Variants in TNS3 observed in about 807,000 individuals in gnomAD.
TNS3 encodes the protein tensin 3.
A neutral mutation model predicts 140.9 loss-of-function variants in TNS3; 45 were observed. The ratio of observed to expected loss-of-function variants is 0.32; its 90% CI spans 0.25 to 0.41. The LOEUF (loss-of-function observed/expected upper bound fraction) is 0.41. Among genes scored for constraint, TNS3 ranks in the 10% least tolerant of loss-of-function variants. The pLI is 1.00. For synonymous variants in TNS3, 815 were observed against 788.4 expected (o/e 1.03, Z -0.56); for missense variants, 1,716 against 1,906.7 (o/e 0.90, Z 1.86).
chr7:47,416,075 T>C (rs114499068), intron 10 of TNS3, among the ~76,000 whole-genome samples: 2,185 of 152,326 alleles, frequency 0.014, 55 homozygotes, highest in African/African-American at 0.05. Context: ...TTCACCCACA[T>C]AACCTCCACT....
rs1207243597 is a variant in TNS3, at chr7:47,389,129, G to T, written c.1024+7671C>A. ...GGAAGCAGAAGAAGAAGAAGAAGAA[G>T]AAGAAGAAGAAGAAGAAGAAGAAGA... On this transcript the variant is annotated intron_variant, in intron 16 of 30. Transcript: ENST00000311160. 1.5e-4 allele frequency among the ~76,000 whole-genome samples: 5 copies of T among 33,602 alleles called. 2 individuals carry two copies. The highest frequency in any genetic ancestry group is 1.8e-4 in the African/African-American group (3 of 17,018). The allele number at this position is 33,602 out of a possible 152,430, so 22.0% of individuals were successfully genotyped here.
Position 47,296,785 on chromosome 7 carries a change from G to C in TNS3, c.3676+297C>G, listed in dbSNP as rs557515817. Among the ~76,000 whole-genome samples, 175 of 149,482 alleles carry C rather than the reference G, an allele frequency of 1.2e-3. 1 individual carries two copies. The highest frequency in any genetic ancestry group is 3.8e-3 in the African/African-American group (158 of 41,382). The stretch of plus-strand genomic sequence containing the variant: ...CCCAAGGGAGGTGACAGGGTGGTGA[G>C]GGGGGTAGAGCCGAAATGGAAGCAA... On this transcript the variant is annotated intron_variant, in intron 24 of 30. Coordinates refer to ENST00000311160, the MANE Select transcript of TNS3 (RefSeq NM_022748.12).
chr7:47,458,772 G>A (rs933918500), intron 4 of TNS3, among the ~76,000 whole-genome samples: 1 of 152,232 alleles, frequency 6.6e-6, no homozygotes, highest in Non-Finnish European at 1.5e-5. Context: ...TGTGGCTGAA[G>A]AGCAGGGCCT....
At chr7:47,304,340 A>G (rs1786615031) in intron 21 of TNS3, among the ~76,000 whole-genome samples, 1 of 152,218 alleles carries the variant, frequency 6.6e-6, no homozygotes, top group Non-Finnish European at 1.5e-5. Flanking sequence ...TAATGTCCTT[A>G]AATGAGGGCT....
chr7:47,279,803 T>G (rs1252807330), intron 30 of TNS3: 2 of 284,434 alleles, frequency 7.0e-6, no homozygotes, highest in Non-Finnish European at 1.3e-5. Flanking sequence ...GAACACCCGC[T>G]TCATCCACAC....
chr7:47,437,361 T>G (rs767320183), intron 6 of TNS3, 48 bp from the exon 7 acceptor site: 1 of 922,428 alleles, frequency 1.1e-6, no homozygotes, highest in Non-Finnish European at 1.5e-6. Context: ...ATTTTAATAT[T>G]TTAAAAATTA....
At chr7:47,334,899 G>T (rs915692215) in intron 20 of TNS3, among the ~76,000 whole-genome samples, 1 of 152,184 alleles carries the variant, frequency 6.6e-6, no homozygotes, top group South Asian at 2.1e-4. Flanking sequence ...GAGCCACTGC[G>T]CCTGGCGAGA....
chr7:47,315,433 C>T (rs1213503861), intron 20 of TNS3, among the ~76,000 whole-genome samples: 1 of 152,224 alleles, frequency 6.6e-6, no homozygotes, highest in Non-Finnish European at 1.5e-5. Context: ...TGCTCCTCTC[C>T]TCTCGGCTTC....
intron 17 of TNS3, among the ~76,000 whole-genome samples, chr7:47,351,668 G>A (rs1039753694): frequency 2.6e-5 from 4 of 152,110 alleles, no homozygotes; most frequent in South Asian, 2.1e-4. Context: ...CGTGCACAAC[G>A]TCTAGGGCAG....
chr7:47,305,283 C>T (rs2150729443), intron 20 of TNS3, among the ~76,000 whole-genome samples: 1 of 152,374 alleles, frequency 6.6e-6, no homozygotes, highest in East Asian at 1.9e-4. Flanking sequence ...ACGAGCTGGT[C>T]ATGTGAGGAG....
At chr7:47,558,979 G>A (rs1368034020) in intron 1 of TNS3, among the ~76,000 whole-genome samples, 2 of 152,228 alleles carry the variant, frequency 1.3e-5, no homozygotes, top group Non-Finnish European at 2.9e-5. Flanking sequence ...AGCACTGGAA[G>A]GCAGAAGCAA....
chr7:47,452,902 A>T, intron 4 of TNS3: 1 of 985,340 alleles, frequency 1.0e-6, no homozygotes, highest in African/African-American at 1.7e-5. Context: ...AGCCCAGCCG[A>T]GAGGCGGCAC....
intron 4 of TNS3, among the ~76,000 whole-genome samples, chr7:47,460,103 C>T (rs945251284): frequency 6.6e-6 from 1 of 151,606 alleles, no homozygotes; most frequent in African/African-American, 2.4e-5. Flanking sequence ...GTCCCAGCTA[C>T]TCGGGAGGCT....
intron 4 of TNS3, among the ~76,000 whole-genome samples, chr7:47,474,802 AAC>A (rs534079148): frequency 1.8e-3 from 267 of 146,848 alleles, no homozygotes; most frequent in African/African-American, 6.3e-3. Flanking sequence ...CACAAAGCAC[AAC>A]ACACACACCT....
chr7:47,302,355 C>T, intron 22 of TNS3, 83 bp from the exon 23 acceptor site: 1 of 1,162,494 alleles, frequency 8.6e-7, no homozygotes, highest in African/African-American at 1.5e-5. Context: ...CCCAGAAGTC[C>T]AAATCCCATG....
intron 20 of TNS3, among the ~76,000 whole-genome samples, chr7:47,311,447 T>C (rs1227697364): frequency 6.6e-6 from 1 of 151,266 alleles, no homozygotes; most frequent in South Asian, 2.1e-4. Flanking sequence ...TGTATACATA[T>C]ATATATAGAG....
chr7:47,575,868 T>C (rs1158709793), intron 1 of TNS3, among the ~76,000 whole-genome samples: 1 of 150,256 alleles, frequency 6.7e-6, no homozygotes, highest in Non-Finnish European at 1.5e-5. Flanking sequence ...TGCTCATTAC[T>C]TGAGAGTCTT....
Position 47,303,424 on chromosome 7 carries a change from C to T in TNS3, c.2983G>A (p.Ala995Thr). The change falls in exon 22 of 31, where the codon GCT (alanine) becomes ACT (threonine). Residue 995 changes from alanine to threonine, a missense_variant. By Grantham distance (58) the Ala-to-Thr change is moderately conservative. Coordinates refer to ENST00000311160, the MANE Select transcript of TNS3 (RefSeq NM_022748.12). ...GACAGCTCATGGCTGTGGAAAGGAG[C>T]CTGGAGCTCTGACGGCGGGAAGCAG... ...LSCFPPSELQ[A>T]PFHSHELSLA... 1 of 1,613,682 alleles carries T rather than the reference C, an allele frequency of 6.2e-7. No individual in the cohort carries two copies. The highest frequency in any genetic ancestry group is 8.5e-7 in the Non-Finnish European group (1 of 1,180,010).
At chr7:47,525,249 G>A (rs948767654) in intron 2 of TNS3, among the ~76,000 whole-genome samples, 2 of 152,190 alleles carry the variant, frequency 1.3e-5, no homozygotes, top group Non-Finnish European at 2.9e-5. Flanking sequence ...CACCGAAGCA[G>A]AACTCCAGAG....
Sources: gnomAD v4.1 joint callset for allele counts (sites outside exome capture counted in the v4.1 genomes callset) on GRCh38, gnomAD v4.1.1 for gene constraint, MANE v1.5 for transcripts, NCBI Gene and HGNC (gene_info 2026-07-23, HGNC 2026-07-21) for gene names.